The following LRRIQ3 variants were observed in gnomAD, a reference collection of about 807,000 sequenced individuals.
The protein encoded by LRRIQ3 is leucine-rich repeat and IQ domain-containing protein 3.
In LRRIQ3, 75 loss-of-function variants were observed where a neutral mutation model predicts 59.3. That is an observed-to-expected ratio of 1.26 (90% CI 1.05 to 1.53). The LOEUF is 1.53. LRRIQ3 is among the 40% of genes most tolerant of loss of function. LRRIQ3 has a pLI of 0.00. For missense variants in LRRIQ3, 831 were observed against 710.0 expected, an observed-to-expected ratio of 1.17 and a Z score of -1.94; for synonymous variants, 250 against 231.3, an observed-to-expected ratio of 1.08 and a Z score of -0.73.
At chr1:74,177,594 C>T (rs12042713) in intron 3 of LRRIQ3, among the ~76,000 whole-genome samples, 48,596 of 151,564 alleles carry the variant, frequency 0.32, 8,591 homozygotes, top group Middle Eastern at 0.45. Flanking sequence ...TTTTAGTCTC[C>T]TGATGTTTGT....
chr1:74,082,430 T>G (rs1320787372), intron 5 of LRRIQ3: 1 of 151,590 alleles, frequency 6.6e-6, no homozygotes, highest in African/African-American at 2.4e-5. Flanking sequence ...GAAAAGTTCA[T>G]AGGGTCATGT....
At chr1:74,178,497 A>G (rs1649781830) in intron 3 of LRRIQ3, among the ~76,000 whole-genome samples, 1 of 152,130 alleles carries the variant, frequency 6.6e-6, no homozygotes, top group South Asian at 2.1e-4. Context: ...TATACATATG[A>G]TTTTTATATT....
intron 4 of LRRIQ3, among the ~76,000 whole-genome samples, chr1:74,155,510 T>C (rs1648264686): frequency 6.6e-6 from 1 of 152,180 alleles, no homozygotes; most frequent in South Asian, 2.1e-4. Context: ...TTTGTATTTA[T>C]ATGGTAAGTT....
chr1:74,102,346 A>G (rs1646548141), intron 5 of LRRIQ3, among the ~76,000 whole-genome samples: 1 of 152,038 alleles, frequency 6.6e-6, no homozygotes, highest in Non-Finnish European at 1.5e-5. Context: ...AAGAAGACAC[A>G]GAAATGCCTC....
At chr1:74,194,662 A>C (rs1389425688) in intron 1 of LRRIQ3, among the ~76,000 whole-genome samples, 1 of 152,166 alleles carries the variant, frequency 6.6e-6, no homozygotes, top group African/African-American at 2.4e-5. Flanking sequence ...GATGGATATT[A>C]AACAGCCAAA....
At chr1:74,166,299 TTC>T (rs2100690136) in intron 3 of LRRIQ3, among the ~76,000 whole-genome samples, 1 of 151,802 alleles carries the variant, frequency 6.6e-6, no homozygotes, top group Non-Finnish European at 1.5e-5. Context: ...GTGTTTTTTT[TTC>T]TGTAGAAGTG....
intron 5 of LRRIQ3, chr1:74,083,938 A>G (rs955634562): frequency 2.6e-6 from 1 of 380,462 alleles, no homozygotes; most frequent in African/African-American, 2.1e-5. Context: ...TTGTAATGTT[A>G]GCTTTCTTAT....
chr1:74,045,399 C>T (rs1169092935), intron 6 of LRRIQ3, among the ~76,000 whole-genome samples: 1 of 152,086 alleles, frequency 6.6e-6, no homozygotes, highest in Non-Finnish European at 1.5e-5. Context: ...AGGCCTTCGA[C>T]AAAATTCAGC....
intron 5 of LRRIQ3, among the ~76,000 whole-genome samples, chr1:74,086,040 CTT>C (rs1287261208): frequency 6.6e-6 from 1 of 152,084 alleles, no homozygotes; most frequent in East Asian, 1.9e-4. Context: ...ACCCCACTCT[CTT>C]TCCAGTTCTA....
intron 1 of LRRIQ3, among the ~76,000 whole-genome samples, chr1:74,191,185 G>A (rs1162064053): frequency 1.3e-5 from 2 of 152,020 alleles, no homozygotes; most frequent in African/African-American, 4.8e-5. Flanking sequence ...ACTATATCAA[G>A]GACACTGTAT....
chr1:74,166,897 G>T (rs1004081383), intron 3 of LRRIQ3, among the ~76,000 whole-genome samples: 1 of 151,444 alleles, frequency 6.6e-6, no homozygotes, highest in Non-Finnish European at 1.5e-5. Context: ...AAAACCACAA[G>T]GTGATATCAC....
intron 5 of LRRIQ3, among the ~76,000 whole-genome samples, chr1:74,090,151 C>T (rs10890107): frequency 0.79 from 119,706 of 151,824 alleles, 50,167 homozygotes; most frequent in East Asian, 0.97. Context: ...ACATATTTAT[C>T]ATTAATTACT....
chr1:74,140,827 T>C (rs1457995311), intron 4 of LRRIQ3, among the ~76,000 whole-genome samples: 2 of 151,860 alleles, frequency 1.3e-5, no homozygotes, highest in African/African-American at 2.4e-5. Context: ...TCCTACAGTT[T>C]GACTAGAATT....
intron 4 of LRRIQ3, chr1:74,138,326 T>C (rs556277039): frequency 3.7e-5 from 7 of 190,880 alleles, no homozygotes; most frequent in South Asian, 1.8e-4. Flanking sequence ...TCACAGCTCA[T>C]AATTATCCCA....
intron 3 of LRRIQ3, chr1:74,180,740 A>G: frequency 1.3e-6 from 2 of 1,550,298 alleles, no homozygotes; most frequent in Non-Finnish European, 1.7e-6. Flanking sequence ...AATATTGGGT[A>G]AGTTCCTAAA....
intron 6 of LRRIQ3, among the ~76,000 whole-genome samples, chr1:74,067,422 C>T (rs1007588652): frequency 2.5e-4 from 38 of 152,088 alleles, no homozygotes; most frequent in Admixed American, 5.9e-4. Flanking sequence ...TGGAGAATTA[C>T]GGAATTGCCT....
At chr1:74,173,944 A>G (rs1268048996) in intron 3 of LRRIQ3, among the ~76,000 whole-genome samples, 1 of 152,122 alleles carries the variant, frequency 6.6e-6, no homozygotes, top group Non-Finnish European at 1.5e-5. Flanking sequence ...TGTTCTGAAT[A>G]TACCATCTCA....
intron 4 of LRRIQ3, among the ~76,000 whole-genome samples, chr1:74,112,528 C>G (rs929420310): frequency 3.3e-5 from 5 of 152,108 alleles, no homozygotes; most frequent in African/African-American, 7.2e-5. Context: ...ATGAATCAGA[C>G]AGTGGGTCAA....
At chr1:74,184,798 A>G (rs918773018) in intron 1 of LRRIQ3, among the ~76,000 whole-genome samples, 7 of 152,188 alleles carry the variant, frequency 4.6e-5, no homozygotes, top group African/African-American at 1.7e-4. Context: ...TTAAAAATAT[A>G]GAGTCAGATA....
Sources: gnomAD v4.1 joint callset for allele counts (sites outside exome capture counted in the v4.1 genomes callset) on GRCh38, gnomAD v4.1.1 for gene constraint, MANE v1.5 for transcripts, NCBI Gene and HGNC (gene_info 2026-07-23, HGNC 2026-07-21) for gene names.